The following SPOCK3 variants were observed in gnomAD, a reference collection of about 807,000 sequenced individuals.
SPOCK3 encodes testican-3.
In SPOCK3, 30 loss-of-function variants were observed where a neutral mutation model predicts 56.6. That is an observed-to-expected ratio of 0.53 (90% CI 0.40 to 0.72). The LOEUF (loss-of-function observed/expected upper bound fraction) is 0.72, where lower values mean the gene tolerates loss of function less well. Ranked by LOEUF, SPOCK3 falls within the 30% of genes least tolerant of loss-of-function variation. The probability of loss-of-function intolerance (pLI) is 0.00; values close to 1 mark genes in which losing one functional copy is unlikely to be tolerated. For synonymous variants in SPOCK3, 196 were observed against 183.3 expected, an observed-to-expected ratio of 1.07 and a Z score of -0.56; for missense variants, 527 against 530.0, an observed-to-expected ratio of 0.99 and a Z score of 0.06.
At chr4:167,067,798 A>C (rs1040138465) in intron 2 of SPOCK3, among the ~76,000 whole-genome samples, 17 of 151,862 alleles carry the variant, frequency 1.1e-4, no homozygotes, top group African/African-American at 3.6e-4. Context: ...TACTACACCC[A>C]AAAAGGAGAC....
At chr4:167,021,392 T>G (rs1038131950) in intron 3 of SPOCK3, among the ~76,000 whole-genome samples, 3 of 151,994 alleles carry the variant, frequency 2.0e-5, no homozygotes, top group Admixed American at 2.0e-4. Context: ...ATAGATCTAT[T>G]AAAATCTTGT....
At chr4:167,128,368 C>G (rs1762453924) in intron 2 of SPOCK3, among the ~76,000 whole-genome samples, 1 of 152,136 alleles carries the variant, frequency 6.6e-6, no homozygotes. Context: ...CACTGTAGAT[C>G]ACTTACCTCT....
At chr4:166,856,924 A>G (rs1002001281) in intron 6 of SPOCK3, among the ~76,000 whole-genome samples, 3 of 152,108 alleles carry the variant, frequency 2.0e-5, no homozygotes, top group African/African-American at 7.2e-5. Flanking sequence ...TTGAAATCAT[A>G]TGTACACTAA....
rs751388769 is a variant in SPOCK3 at position 166,737,454 on chromosome 4, C to A, written c.1132+13G>T. ...GCTTAGAAAATTATGAAATAAGTAA[C>A]CCTTCTCCTTACCACAATCTGCAAC... On this transcript the variant is annotated intron_variant, in intron 10 of 10. Transcript: ENST00000357545. 8 of 1,607,706 alleles carry A rather than the reference C, an allele frequency of 5.0e-6. No homozygotes were observed. The highest frequency in any genetic ancestry group is 3.4e-5 in the Admixed American group (2 of 59,178).
At chr4:166,987,049 T>C (rs1238671152) in intron 4 of SPOCK3, among the ~76,000 whole-genome samples, 1 of 152,172 alleles carries the variant, frequency 6.6e-6, no homozygotes, top group Non-Finnish European at 1.5e-5. Flanking sequence ...TCATTTCTTA[T>C]TTGTATCTTG....
intron 4 of SPOCK3, chr4:166,918,244 C>T (rs1034290463): frequency 1.3e-5 from 2 of 152,154 alleles, no homozygotes; most frequent in East Asian, 1.9e-4. Context: ...GAAAAGCCTA[C>T]ATGGAACTTA....
rs540980346 is a variant in SPOCK3 at position 167,062,711 on chromosome 4, A to T, written c.190-174T>A. 38 of 568,630 alleles carry T rather than the reference A, an allele frequency of 6.7e-5. 1 individual carries two copies. The Middle Eastern group carries it at 1.9e-3, about 28-fold the overall frequency. The allele number at this position is 568,630 out of a possible 1,614,324, so 35.2% of individuals were successfully genotyped here. On this transcript the variant is annotated intron_variant, in intron 2 of 10. Coordinates refer to ENST00000357545, the MANE Select transcript of SPOCK3 (RefSeq NM_001040159.2). ...ATAAAAATAAAAAAGAAACAAGAGA[A>T]AAAGAATAGTTATCAAAAAGGAACA...
chr4:166,792,226 T>G lies in SPOCK3; in HGVS notation c.653A>C (p.His218Pro). The change falls in exon 7 of 11, where the codon CAT becomes CCT. Residue 218 changes from histidine (H) to proline (P), a missense_variant. His to Pro is a moderately conservative substitution (Grantham distance 77). Transcript: ENST00000357545. ...NRLRDWFKAL[H>P]ESGSQNKKTK... ...CTTCTTGTTTTGACTTCCACTTTCATGAAGGGCCTTGAACCAGTCCCGCAA... is the reference window on the plus strand; with the variant it reads ...CTTCTTGTTTTGACTTCCACTTTCAGGAAGGGCCTTGAACCAGTCCCGCAA... The G allele has an allele frequency of 6.2e-7, 1 of 1,613,960 alleles. No homozygotes were observed. The highest frequency in any genetic ancestry group is 1.7e-5 in the Admixed American group (1 of 60,010).
chr4:166,775,154 A>G (rs1739386228), intron 7 of SPOCK3, among the ~76,000 whole-genome samples: 1 of 152,128 alleles, frequency 6.6e-6, no homozygotes, highest in Non-Finnish European at 1.5e-5. Context: ...AGAGTAACGG[A>G]TCTATGGTCA....
At chr4:167,204,070 C>T (rs749379424) in intron 2 of SPOCK3, among the ~76,000 whole-genome samples, 1 of 152,006 alleles carries the variant, frequency 6.6e-6, no homozygotes, top group Non-Finnish European at 1.5e-5. Flanking sequence ...ACTATGTGAA[C>T]GCATATCACT....
At chr4:167,132,357 C>A (rs1762771589) in intron 2 of SPOCK3, among the ~76,000 whole-genome samples, 1 of 152,112 alleles carries the variant, frequency 6.6e-6, no homozygotes, top group Non-Finnish European at 1.5e-5. Flanking sequence ...TCACAGAAGA[C>A]AAGCCAAATA....
At chr4:167,025,408 T>C (rs572907992) in intron 3 of SPOCK3, among the ~76,000 whole-genome samples, 2 of 152,036 alleles carry the variant, frequency 1.3e-5, no homozygotes, top group Non-Finnish European at 2.9e-5. Flanking sequence ...AAAAATACAC[T>C]ATACCTGTGG....
intron 3 of SPOCK3, among the ~76,000 whole-genome samples, chr4:167,005,652 A>C (rs1488210325): frequency 2.0e-5 from 3 of 152,152 alleles, no homozygotes; most frequent in Non-Finnish European, 4.4e-5. Flanking sequence ...ACTCTGGATG[A>C]GAAATGATTG....
At chr4:166,949,009 T>G (rs536513241) in intron 4 of SPOCK3, among the ~76,000 whole-genome samples, 12 of 152,224 alleles carry the variant, frequency 7.9e-5, no homozygotes, top group Non-Finnish European at 1.6e-4. Flanking sequence ...TCTTTTCAGA[T>G]AGTCCCATAT....
At chr4:167,115,710 T>C (rs1761273483) in intron 2 of SPOCK3, among the ~76,000 whole-genome samples, 1 of 152,014 alleles carries the variant, frequency 6.6e-6, no homozygotes, top group African/African-American at 2.4e-5. Flanking sequence ...ACGAGATGGT[T>C]GCCTTCAAAG....
chr4:166,984,764 C>G (rs1480496466), intron 4 of SPOCK3, among the ~76,000 whole-genome samples: 1 of 152,122 alleles, frequency 6.6e-6, no homozygotes, highest in Non-Finnish European at 1.5e-5. Context: ...AGCCTCTTAG[C>G]AGCAATGTTG....
chr4:166,806,150 T>C (rs1722362509), intron 6 of SPOCK3, among the ~76,000 whole-genome samples: 2 of 152,248 alleles, frequency 1.3e-5, no homozygotes, highest in South Asian at 2.1e-4. Context: ...TTAAATTTCA[T>C]GTATATAAAC....
At chr4:167,143,956 T>C (rs561472461) in intron 2 of SPOCK3, among the ~76,000 whole-genome samples, 1 of 152,002 alleles carries the variant, frequency 6.6e-6, no homozygotes. Flanking sequence ...TAAAAGTCAC[T>C]GAAGATATTT....
At chr4:166,856,838 A>C (rs1037248045) in intron 6 of SPOCK3, among the ~76,000 whole-genome samples, 15 of 151,968 alleles carry the variant, frequency 9.9e-5, no homozygotes, top group Non-Finnish European at 1.2e-4. Flanking sequence ...ATATCTCTCT[A>C]TATATAGATA....
Sources: gnomAD v4.1 joint callset for allele counts (sites outside exome capture counted in the v4.1 genomes callset) on GRCh38, gnomAD v4.1.1 for gene constraint, MANE v1.5 for transcripts, NCBI Gene and HGNC (gene_info 2026-07-23, HGNC 2026-07-21) for gene names.